ARFGAP3: variants seen among roughly 807,000 people sequenced by gnomAD.
ARFGAP3 encodes the protein ADP-ribosylation factor GTPase-activating protein 3.
Under a neutral mutation model 75.0 loss-of-function variants are expected in ARFGAP3, and 72 were observed. The observed-to-expected ratio is 0.96, with a 90% CI of 0.79 to 1.17. The LOEUF is 1.17. Among genes scored for constraint, ARFGAP3 ranks in the 50% most tolerant of loss-of-function variants. ARFGAP3 has a pLI of 0.00. For synonymous variants in ARFGAP3, 221 were observed against 217.9 expected, an observed-to-expected ratio of 1.01 and a Z score of -0.13; for missense variants, 620 against 626.6, an observed-to-expected ratio of 0.99 and a Z score of 0.11.
chr22:42,854,539 C>T (rs1012187698), intron 1 of ARFGAP3, among the ~76,000 whole-genome samples: 1 of 152,006 alleles, frequency 6.6e-6, no homozygotes, highest in East Asian at 1.9e-4. Flanking sequence ...GCAAGAGAAT[C>T]GCTTGAACCT....
chr22:42,797,299 A>C lies in ARFGAP3; in HGVS notation c.*289T>G. 1 of 422,824 alleles carries C rather than the reference A, an allele frequency of 2.4e-6. No homozygotes were observed. The highest frequency in any genetic ancestry group is 4.3e-6 in the Non-Finnish European group (1 of 234,976). 26.2% of individuals were successfully genotyped at this position (422,824 alleles called of 1,614,324 possible). On this transcript the variant is annotated 3_prime_UTR_variant, in exon 16 of 16. Transcript: ENST00000263245. ...AGGAGCAGGAGGAGCCGAGGTCTCC[A>C]GGCCCTCAGTGTTGAAATCAAAGGT... is the stretch of plus-strand genomic sequence containing the variant.
chr22:42,807,798 TTTC>T (rs1925192823), intron 13 of ARFGAP3, among the ~76,000 whole-genome samples: 2 of 150,142 alleles, frequency 1.3e-5, no homozygotes, highest in Non-Finnish European at 3.0e-5. Context: ...TTAACATTTC[TTTC>T]TTTTTTTTTT....
At chr22:42,823,123 T>TC (rs978377304) in intron 8 of ARFGAP3, among the ~76,000 whole-genome samples, 28 of 151,438 alleles carry the variant, frequency 1.8e-4, no homozygotes, top group African/African-American at 5.8e-4. Context: ...TGTTTTTTTT[T>TC]CCCCCCCAAA....
At chr22:42,836,126 G>A (rs1238440241) in intron 3 of ARFGAP3, among the ~76,000 whole-genome samples, 5 of 151,790 alleles carry the variant, frequency 3.3e-5, no homozygotes, top group Non-Finnish European at 5.9e-5. Context: ...GGGACTACAG[G>A]TGTGTGCCAC....
chr22:42,819,150 C>G (rs1925707252), intron 9 of ARFGAP3, among the ~76,000 whole-genome samples: 1 of 152,132 alleles, frequency 6.6e-6, no homozygotes, highest in Non-Finnish European at 1.5e-5. Context: ...CTTGCTTTTG[C>G]TGTTTCTTTT....
intron 14 of ARFGAP3, among the ~76,000 whole-genome samples, chr22:42,803,025 T>TC (rs540045243): frequency 1.1e-3 from 174 of 152,320 alleles, no homozygotes; most frequent in African/African-American, 4.1e-3. Context: ...AGACAGGGAC[T>TC]CCCTCTGTTG....
intron 2 of ARFGAP3, among the ~76,000 whole-genome samples, chr22:42,846,821 A>C (rs1047217055): frequency 6.6e-6 from 1 of 152,242 alleles, no homozygotes; most frequent in African/African-American, 2.4e-5. Context: ...CCGAATTATT[A>C]GAAGATGATT....
At chr22:42,817,891 T>C in intron 9 of ARFGAP3, 34 bp from the exon 10 acceptor site, 1 of 1,522,296 alleles carries the variant, frequency 6.6e-7, no homozygotes, top group Middle Eastern at 1.7e-4. Flanking sequence ...TTAATTTAGC[T>C]TTAATCCTTT....
intron 11 of ARFGAP3, among the ~76,000 whole-genome samples, chr22:42,816,564 C>T (rs998910231): frequency 1.3e-5 from 2 of 152,144 alleles, no homozygotes; most frequent in Non-Finnish European, 1.5e-5. Context: ...GCCACTTGAC[C>T]GTGCACTGCT....
At chr22:42,833,462 T>C (rs1400551646) in intron 5 of ARFGAP3, among the ~76,000 whole-genome samples, 3 of 152,108 alleles carry the variant, frequency 2.0e-5, no homozygotes, top group Admixed American at 6.6e-5. Flanking sequence ...TGTAAAAGAA[T>C]AGGGCATCTG....
At chr22:42,829,136 A>AATCAAT (rs1926174779) in intron 6 of ARFGAP3, among the ~76,000 whole-genome samples, 1 of 152,228 alleles carries the variant, frequency 6.6e-6, no homozygotes, top group African/African-American at 2.4e-5. Context: ...ACGGTAAATC[A>AATCAAT]ATCAATGGCT....
At chr22:42,816,166 T>G (rs1315061537) in intron 11 of ARFGAP3, among the ~76,000 whole-genome samples, 1 of 152,312 alleles carries the variant, frequency 6.6e-6, no homozygotes, top group East Asian at 1.9e-4. Flanking sequence ...TCTCTTAAAC[T>G]GAGTTTCTAT....
At position 42,798,266 on chromosome 22, in the gene ARFGAP3, G is replaced by A. The variant is rs116982580; in HGVS notation, c.1534-661C>T. Among the ~76,000 whole-genome samples, 2,185 of 151,604 alleles carry A rather than the reference G, an allele frequency of 0.014. 82 individuals are homozygous for A. In the East Asian group the frequency reaches 0.15, roughly 10 times the overall value. ...AGTCCTGGGGCTGAGGGAACTCTCC[G>A]GAATGGGTGCACCTCCACGCCCTCC... On this transcript the variant is annotated intron_variant, in intron 15 of 15. Coordinates refer to ENST00000263245, the MANE Select transcript of ARFGAP3 (RefSeq NM_014570.5).
intron 5 of ARFGAP3, among the ~76,000 whole-genome samples, chr22:42,833,547 G>A (rs1216862813): frequency 1.3e-5 from 2 of 152,192 alleles, no homozygotes; most frequent in African/African-American, 4.8e-5. Context: ...CCTGAGGTCA[G>A]GAGTTCGAGA....
chr22:42,799,935 T>G (rs1222072158), intron 14 of ARFGAP3, among the ~76,000 whole-genome samples: 1 of 152,202 alleles, frequency 6.6e-6, no homozygotes, highest in Non-Finnish European at 1.5e-5. Context: ...CCGGTGTTAG[T>G]GGCCCTAAGT....
Position 42,807,366 on chromosome 22 carries a change from A to G in ARFGAP3, c.1321-203T>C, listed in dbSNP as rs2146530558. On this transcript the variant is annotated intron_variant, in intron 13 of 15. Transcript: ENST00000263245. ...TGCATGGGAGGCAGGTCACAGGCAG[A>G]CTGATCAACATACAACACCTCAGCC... 5.0e-6 allele frequency: 3 copies of G among 604,846 alleles called. 1 individual carries two copies. The highest frequency in any genetic ancestry group is 6.2e-6 in the Non-Finnish European group (3 of 482,118). The allele number at this position is 604,846 out of a possible 1,614,324, so 37.5% of individuals were successfully genotyped here. A position where few individuals can be genotyped will look rare whatever the true frequency, so the allele number is the denominator to read the frequency against.
chr22:42,804,269 G>C (rs576129323), intron 14 of ARFGAP3, among the ~76,000 whole-genome samples: 1 of 151,578 alleles, frequency 6.6e-6, no homozygotes, highest in African/African-American at 2.4e-5. Flanking sequence ...GGAGTGTAAT[G>C]GTGCGATCTC....
At position 42,814,546 on chromosome 22, in the gene ARFGAP3, T is replaced by C. The variant is rs9623703; in HGVS notation, c.1064+2596A>G. On this transcript the variant is annotated intron_variant, in intron 11 of 15. Transcript: ENST00000263245. ...TCATAGCAACAGTGGCTTCTGGGTCTAACTCTTTTGATTAAGCCTTTGAAG... is the reference window on the plus strand; with the variant it reads ...TCATAGCAACAGTGGCTTCTGGGTCCAACTCTTTTGATTAAGCCTTTGAAG... Among the ~76,000 whole-genome samples the C allele has an allele frequency of 8.9e-3, 1,351 of 152,348 alleles. 18 individuals are homozygous for C. Among genetic ancestry groups the C allele is most frequent in the African/African-American group, 0.031 (1,301 of 41,566 alleles).
chr22:42,840,973 A>G lies in ARFGAP3; in HGVS notation c.232T>C (p.Cys78Arg), dbSNP rs377386819. The G allele has an allele frequency of 8.1e-6, 13 of 1,614,096 alleles. No individual in the cohort carries two copies. The highest frequency in any genetic ancestry group is 1.1e-5 in the South Asian group (1 of 91,074). ...DSNWSWFQLR[C>R]MQVGGNASAS... Reference sequence around the variant, plus strand: ...CTAGCGTTTCCTCCGACTTGCATGCATCGCAACTGAAACCATGACCAGTTG... The same window carrying G: ...CTAGCGTTTCCTCCGACTTGCATGCGTCGCAACTGAAACCATGACCAGTTG... The change falls in exon 3 of 16, where the codon TGC becomes CGC. Residue 78 changes from cysteine to arginine, a missense_variant. Coordinates refer to ENST00000263245, the MANE Select transcript of ARFGAP3 (RefSeq NM_014570.5).
Sources: allele counts gnomAD v4.1 joint callset (sites outside exome capture counted in the v4.1 genomes callset), GRCh38; gene constraint gnomAD v4.1.1; transcripts MANE v1.5; gene names NCBI Gene and HGNC (gene_info 2026-07-23, HGNC 2026-07-21).